The following EXOC3L2 variants were observed in gnomAD, a reference collection of about 807,000 sequenced individuals.
The protein encoded by EXOC3L2 is exocyst complex component 3 like 2, also known as exocyst complex component 3-like protein 2.
In EXOC3L2, 17 loss-of-function variants were observed where a neutral mutation model predicts 44.4. The ratio of observed to expected loss-of-function variants is 0.38; its 90% CI spans 0.26 to 0.57. EXOC3L2 has a LOEUF of 0.57. Ranked by LOEUF, EXOC3L2 falls within the 20% of genes least tolerant of loss-of-function variation. The probability of loss-of-function intolerance (pLI) is 0.65; values close to 1 mark genes in which losing one functional copy is unlikely to be tolerated. For synonymous variants in EXOC3L2, 256 were observed against 253.7 expected, an observed-to-expected ratio of 1.01 and a Z score of -0.09; for missense variants, 541 against 588.4, an observed-to-expected ratio of 0.92 and a Z score of 0.83.
chr19:45,243,936 T>G (rs1970149642), intron 1 of EXOC3L2, among the ~76,000 whole-genome samples: 1 of 151,592 alleles, frequency 6.6e-6, no homozygotes, highest in Admixed American at 6.6e-5. Context: ...TCCTTCTCTT[T>G]TATTTTTTAG....
chr19:45,227,876 C>T, intron 6 of EXOC3L2, 98 bp downstream of exon 6: 1 of 1,505,342 alleles, frequency 6.6e-7, no homozygotes, highest in Non-Finnish European at 9.1e-7. Context: ...TCTACCTGTC[C>T]TCAGGTGACT....
chr19:45,235,877 G>C (rs1568484407), intron 2 of EXOC3L2, among the ~76,000 whole-genome samples: 1 of 152,204 alleles, frequency 6.6e-6, no homozygotes, highest in Admixed American at 6.6e-5. Context: ...CCCAGCCCTG[G>C]AGCAGTTCGG....
intron 3 of EXOC3L2, among the ~76,000 whole-genome samples, chr19:45,232,427 C>T (rs1970041271): frequency 6.6e-6 from 1 of 152,194 alleles, no homozygotes; most frequent in Non-Finnish European, 1.5e-5. Context: ...GCCTCCATCC[C>T]TTATAGATAA....
At chr19:45,224,951 A>C in intron 7 of EXOC3L2, 38 bp from the exon 8 acceptor site, 1 of 1,492,238 alleles carries the variant, frequency 6.7e-7, no homozygotes, top group Non-Finnish European at 8.9e-7. Context: ...AGGGACCCCA[A>C]CATCTCAGCC....
chr19:45,234,568 G>A lies in EXOC3L2; in HGVS notation c.782C>T (p.Ala261Val). The A allele has an allele frequency of 3.9e-6, 1 of 258,424 alleles. No individual in the cohort carries two copies. Among genetic ancestry groups the A allele is most frequent in the Non-Finnish European group, 7.4e-6 (1 of 135,748 alleles). 16.0% of individuals were successfully genotyped at this position (258,424 alleles called of 1,614,324 possible). A position where few individuals can be genotyped will look rare whatever the true frequency, so the allele number is the denominator to read the frequency against. The part of the protein sequence containing the change: ...PGACAGAGAV[A>V]QLGQVLVQEE... ...CTGTACCAGCACCTGGCCCAGCTGC[G>A]CCACCGCGCCAGCCCCGGCGCACGC... Residue 261 changes from alanine (A) to valine (V), a missense_variant, in exon 3 of 12, where the codon GCG becomes GTG. Ala to Val is a moderately conservative substitution (Grantham distance 64). Transcript: ENST00000413988. This position sits in a 1 kb window ranked among gnomAD's most constrained non-coding sequence, Gnocchi z 5.0.
At chr19:45,216,257 C>G (rs1969833987) in intron 10 of EXOC3L2, 63 bp from the exon 11 acceptor site, 7 of 1,584,704 alleles carry the variant, frequency 4.4e-6, no homozygotes, top group Non-Finnish European at 6.0e-6. Context: ...ATTCCTGCCC[C>G]TCCTGGCTTG....
chr19:45,221,308 T>C (rs1267191446), intron 8 of EXOC3L2, among the ~76,000 whole-genome samples: 1 of 151,682 alleles, frequency 6.6e-6, no homozygotes, highest in African/African-American at 2.4e-5. Flanking sequence ...CCTCCCAAAG[T>C]GCTGGGATTA....
At chr19:45,231,190 G>T (rs1012462034) in intron 4 of EXOC3L2, among the ~76,000 whole-genome samples, 1 of 152,178 alleles carries the variant, frequency 6.6e-6, no homozygotes, top group Non-Finnish European at 1.5e-5. Context: ...TGATTTCTGT[G>T]GCTGGAAGTA....
chr19:45,217,680 G>A lies in EXOC3L2; in HGVS notation c.1846C>T (p.Leu616=). The A allele has an allele frequency of 7.1e-7, 1 of 1,399,830 alleles. No homozygotes were observed. The highest frequency in any genetic ancestry group is 1.6e-5 in the South Asian group (1 of 63,648). 86.7% of individuals were successfully genotyped at this position (1,399,830 alleles called of 1,614,324 possible). A position where few individuals can be genotyped will look rare whatever the true frequency, so the allele number is the denominator to read the frequency against. ...GCCCGCCGGTGTAGCTCGGCTACCAGCGCCTGGAGGCGGAGGAGGGAAACC... is the reference window on the plus strand; with the variant it reads ...GCCCGCCGGTGTAGCTCGGCTACCAACGCCTGGAGGCGGAGGAGGGAAACC... ...RRMQDEPYQA[L]VAELHRRALV... The change falls in exon 10 of 12, where the codon CTG becomes TTG. Residue 616 remains leucine, a synonymous_variant. Transcript: ENST00000413988.
At position 45,238,091 on chromosome 19, in the gene EXOC3L2, T is replaced by C. The variant is rs1030767213; in HGVS notation, c.523+432A>G. ...AGGCAGAGGATGCAGTGAGCCAAGA[T>C]TGCACCACTGCACTCCAGCCTGGGC... On this transcript the variant is annotated intron_variant, in intron 2 of 11. Transcript: ENST00000413988. The surrounding 1 kb of genome is among the most constrained non-coding windows in gnomAD (Gnocchi z 5.5). 1.3e-5 allele frequency among the ~76,000 whole-genome samples: 2 copies of C among 151,974 alleles called. No homozygotes were observed. The highest frequency in any genetic ancestry group is 2.9e-5 in the Non-Finnish European group (2 of 67,992).
chr19:45,218,394 A>C, intron 8 of EXOC3L2, 75 bp from the exon 9 acceptor site: 1 of 1,437,232 alleles, frequency 7.0e-7, no homozygotes, highest in South Asian at 1.4e-5. Flanking sequence ...AAGTTCCTGC[A>C]ACCCTGCTCC....
Position 45,228,210 on chromosome 19 carries a change from C to A in EXOC3L2, c.1326G>T (p.Gly442=). ...GGCTGCTGGGCTGGTCCTCCAGGCT[C>A]CCCCAGTGCTCTTCGTCCTCCTGCA... ...RVLQEDEEHW[G]SLEDQPSSLA... Residue 442 remains glycine (G), a synonymous_variant, in exon 5 of 12, where the codon GGG becomes GGT. Coordinates refer to ENST00000413988, the MANE Select transcript of EXOC3L2 (RefSeq NM_001382422.1). 1.2e-6 allele frequency: 2 copies of A among 1,614,132 alleles called. No individual in the cohort carries two copies. The highest frequency in any genetic ancestry group is 1.7e-6 in the Non-Finnish European group (2 of 1,180,024).
chr19:45,218,523 C>G (rs1251291783), intron 8 of EXOC3L2, among the ~76,000 whole-genome samples: 1 of 152,004 alleles, frequency 6.6e-6, no homozygotes, highest in East Asian at 1.9e-4. Flanking sequence ...TAGTGATGAC[C>G]CAAAGCTGGC....
At chr19:45,227,284 ATTT>A (rs370002406) in intron 7 of EXOC3L2, among the ~76,000 whole-genome samples, 1 of 146,814 alleles carries the variant, frequency 6.8e-6, no homozygotes, top group Non-Finnish European at 1.5e-5. Flanking sequence ...TGCCCGGCTA[ATTT>A]TTTTTTGTAT....
chr19:45,228,183 C>G lies in EXOC3L2; in HGVS notation c.1353G>C (p.Leu451=). The G allele has an allele frequency of 6.2e-7, 1 of 1,614,126 alleles. No homozygotes were observed. The highest frequency in any genetic ancestry group is 8.5e-7 in the Non-Finnish European group (1 of 1,180,014). Residue 451 remains leucine, a synonymous_variant, in exon 5 of 12, where the codon CTG becomes CTC. Coordinates refer to ENST00000413988, the MANE Select transcript of EXOC3L2 (RefSeq NM_001382422.1). ...WGSLEDQPSS[L]AQDVCELLEE... ...CTCCTACCTCACACACATCCTGGGC[C>G]AGGCTGCTGGGCTGGTCCTCCAGGC...
intron 8 of EXOC3L2, among the ~76,000 whole-genome samples, chr19:45,224,145 G>A (rs1401804124): frequency 6.6e-6 from 1 of 151,456 alleles, no homozygotes; most frequent in Non-Finnish European, 1.5e-5. Context: ...CGTGGCTGGA[G>A]TGGGATTAGT....
At chr19:45,222,800 A>G (rs985258152) in intron 8 of EXOC3L2, among the ~76,000 whole-genome samples, 45 of 152,232 alleles carry the variant, frequency 3.0e-4, no homozygotes, top group African/African-American at 1.1e-3. Context: ...TAGATTCGCA[A>G]TGGGCTTTGC....
chr19:45,224,653 C>T, intron 8 of EXOC3L2, 125 bp downstream of exon 8: 1 of 1,370,706 alleles, frequency 7.3e-7, no homozygotes, highest in South Asian at 1.5e-5. Flanking sequence ...TTAACTGCCC[C>T]TGCCCCCCGC....
chr19:45,213,387 C>A, intron 11 of EXOC3L2, 30 bp from the exon 12 acceptor site: 1 of 1,608,820 alleles, frequency 6.2e-7, no homozygotes, highest in Non-Finnish European at 8.5e-7. Flanking sequence ...CAGGTGCATG[C>A]AGATCCCCAG....
Sources: allele counts gnomAD v4.1 joint callset (sites outside exome capture counted in the v4.1 genomes callset), GRCh38; gene constraint gnomAD v4.1.1; non-coding constraint Gnocchi (gnomAD v3.1); transcripts MANE v1.5; gene names NCBI Gene and HGNC (gene_info 2026-07-23, HGNC 2026-07-21).